Variants in GRK3 observed in about 807,000 individuals in gnomAD.
GRK3 encodes adrenergic, beta, receptor kinase 2.
GRK3 carries 54 observed loss-of-function variants against 95.7 expected under a neutral mutation model. The observed-to-expected ratio is 0.56, with a 90% CI of 0.45 to 0.71. GRK3 has a LOEUF of 0.71. Among genes scored for constraint, GRK3 ranks in the 30% least tolerant of loss-of-function variants. The pLI is 0.00. For missense variants in GRK3, 649 were observed against 851.2 expected (o/e 0.76, Z 2.96); for synonymous variants, 281 against 290.8 (o/e 0.97, Z 0.34).
chr22:25,606,044 C>T (rs1160742260), intron 2 of GRK3, among the ~76,000 whole-genome samples: 4 of 152,068 alleles, frequency 2.6e-5, no homozygotes, highest in Non-Finnish European at 4.4e-5. Flanking sequence ...GCCCCCCAAA[C>T]ATGTATTTTC....
intron 2 of GRK3, among the ~76,000 whole-genome samples, chr22:25,614,728 C>T (rs1347028021): frequency 9.2e-5 from 14 of 152,186 alleles, no homozygotes; most frequent in Non-Finnish European, 7.4e-5. Context: ...GACATATCAA[C>T]TGTATAATTT....
chr22:25,709,099 G>A (rs1178596305), intron 15 of GRK3, among the ~76,000 whole-genome samples: 1 of 146,956 alleles, frequency 6.8e-6, no homozygotes, highest in East Asian at 2.1e-4. Context: ...GTCCAGTGGC[G>A]CAATCTCGGT....
intron 11 of GRK3, among the ~76,000 whole-genome samples, 169 bp downstream of exon 11, chr22:25,687,836 G>T (rs1054580759): frequency 6.6e-6 from 1 of 152,128 alleles, no homozygotes; most frequent in Non-Finnish European, 1.5e-5. Flanking sequence ...CAGACTCTGC[G>T]GGGACGGAGC....
intron 8 of GRK3, 51 bp from the exon 9 acceptor site, chr22:25,678,762 AATT>A: frequency 9.1e-7 from 1 of 1,104,526 alleles, no homozygotes; most frequent in East Asian, 2.5e-5. Flanking sequence ...ATATTGTTTA[AATT>A]AGTCTAGATA....
At chr22:25,618,159 G>C (rs1462653500) in intron 2 of GRK3, among the ~76,000 whole-genome samples, 1 of 152,228 alleles carries the variant, frequency 6.6e-6, no homozygotes, top group Admixed American at 6.5e-5. Context: ...ATTGTTTCCA[G>C]TGTGGGGCAA....
At chr22:25,593,432 G>C (rs73166998) in intron 1 of GRK3, among the ~76,000 whole-genome samples, 1 of 151,758 alleles carries the variant, frequency 6.6e-6, no homozygotes, top group African/African-American at 2.4e-5. Context: ...TGGTGGTTTT[G>C]ATTTACGTTT....
At chr22:25,670,847 C>T (rs571681755) in intron 6 of GRK3, among the ~76,000 whole-genome samples, 55 of 121,628 alleles carry the variant, frequency 4.5e-4, no homozygotes, top group Admixed American at 3.3e-3. Flanking sequence ...ACCATCCTGG[C>T]TAACATGGTG....
At chr22:25,714,295 T>TA (rs1390238376) in intron 17 of GRK3, 113 bp from the exon 18 acceptor site, 1 of 815,510 alleles carries the variant, frequency 1.2e-6, no homozygotes, top group African/African-American at 1.7e-5. Flanking sequence ...TGCTGCCATC[T>TA]AGTCATCTTC....
At chr22:25,591,649 T>C (rs1025459417) in intron 1 of GRK3, among the ~76,000 whole-genome samples, 3 of 152,194 alleles carry the variant, frequency 2.0e-5, no homozygotes, top group Non-Finnish European at 4.4e-5. Context: ...TGGAGCTCTG[T>C]GTCAGGAACC....
chr22:25,657,531 GT>G (rs2084881011), intron 3 of GRK3, among the ~76,000 whole-genome samples: 1 of 151,982 alleles, frequency 6.6e-6, no homozygotes, highest in Non-Finnish European at 1.5e-5. Flanking sequence ...TTTTCCCATC[GT>G]TCTACTATCA....
chr22:25,620,238 C>G (rs913980234), intron 2 of GRK3, among the ~76,000 whole-genome samples: 1 of 152,028 alleles, frequency 6.6e-6, no homozygotes, highest in African/African-American at 2.4e-5. Context: ...GCACAGGGCT[C>G]GGGATTGGTT....
intron 12 of GRK3, among the ~76,000 whole-genome samples, chr22:25,693,288 C>T (rs1433438268): frequency 6.6e-6 from 1 of 152,296 alleles, no homozygotes; most frequent in South Asian, 2.1e-4. Flanking sequence ...ATCAGAAAAC[C>T]TCAGCAGCAG....
At position 25,728,716 on chromosome 22, in the gene GRK3, C is replaced by T. The variant is rs1056168263; in HGVS notation, c.*6266C>T. On this transcript the variant is annotated 3_prime_UTR_variant, in exon 21 of 21. Coordinates refer to ENST00000324198, the MANE Select transcript of GRK3 (RefSeq NM_005160.4). ...AGCACATTTGAGTGTGACTTTTTCC[C>T]CCCTTCACTATTTCAAAATGGTTTT... The T allele has an allele frequency of 1.3e-5, 2 of 152,126 alleles. No homozygotes were observed. The highest frequency in any genetic ancestry group is 2.9e-5 in the Non-Finnish European group (2 of 68,026). 9.4% of individuals were successfully genotyped at this position (152,126 alleles called of 1,614,324 possible). A position where few individuals can be genotyped will look rare whatever the true frequency, so the allele number is the denominator to read the frequency against.
At chr22:25,604,811 GA>G (rs760004029) in intron 2 of GRK3, among the ~76,000 whole-genome samples, 35 of 152,316 alleles carry the variant, frequency 2.3e-4, no homozygotes, top group Admixed American at 6.5e-4. Flanking sequence ...TTTATGGCTG[GA>G]GGAAATTACT....
At chr22:25,593,646 G>T (rs183465151) in intron 1 of GRK3, among the ~76,000 whole-genome samples, 1 of 152,146 alleles carries the variant, frequency 6.6e-6, no homozygotes, top group Non-Finnish European at 1.5e-5. Flanking sequence ...TCTGTAGGGT[G>T]TCTGTTTACT....
At chr22:25,599,583 C>T (rs959465256) in intron 1 of GRK3, among the ~76,000 whole-genome samples, 71 of 139,300 alleles carry the variant, frequency 5.1e-4, no homozygotes, top group African/African-American at 2.0e-3. Context: ...CAGAGCGAGA[C>T]TCTGTCTCAA....
At position 25,719,174 on chromosome 22, in the gene GRK3, T is replaced by G. The variant is rs773400267; in HGVS notation, c.1791+793T>G. Among the ~76,000 whole-genome samples the G allele has an allele frequency of 3.9e-4, 60 of 151,966 alleles. No individual in the cohort carries two copies. In the Middle Eastern group the frequency reaches 0.014, roughly 34 times the overall value. The stretch of plus-strand genomic sequence containing the variant: ...ATGACTGTACTGTAATTTTTGCATG[T>G]TTATCTGAGGTCAAGTGCTGTTAAA... On this transcript the variant is annotated intron_variant, in intron 19 of 20. Transcript: ENST00000324198.
In GRK3 at chr22:25,720,710, C is replaced by T. The variant is rs149003167; in HGVS notation, c.1792-574C>T. On this transcript the variant is annotated intron_variant, in intron 19 of 20. Transcript: ENST00000324198. ...CAGGTTGGTCTCGAGCTCTTGACCTCGTGATGCACCCGCCTCGGCCTCCCA... is the reference window on the plus strand; with the variant it reads ...CAGGTTGGTCTCGAGCTCTTGACCTTGTGATGCACCCGCCTCGGCCTCCCA... Among the ~76,000 whole-genome samples the T allele has an allele frequency of 4.0e-3, 609 of 152,104 alleles. 6 individuals are homozygous for T. Among genetic ancestry groups the T allele is most frequent in the African/African-American group, 0.014 (582 of 41,502 alleles).
intron 2 of GRK3, among the ~76,000 whole-genome samples, chr22:25,609,537 G>A (rs1256261784): frequency 6.6e-6 from 1 of 151,936 alleles, no homozygotes; most frequent in Non-Finnish European, 1.5e-5. Context: ...TTGCCACGTT[G>A]GCCAGGCTGG....
Sources: allele counts gnomAD v4.1 joint callset (sites outside exome capture counted in the v4.1 genomes callset), GRCh38; gene constraint gnomAD v4.1.1; transcripts MANE v1.5; gene names NCBI Gene and HGNC (gene_info 2026-07-23, HGNC 2026-07-21).